The following RCAN2 variants were observed in gnomAD, a reference collection of about 807,000 sequenced individuals.
RCAN2 encodes the protein regulator of calcineurin 2, also known as calcipressin-2.
RCAN2 carries 9 observed loss-of-function variants against 23.6 expected under a neutral mutation model. The ratio of observed to expected loss-of-function variants is 0.38; its 90% confidence interval spans 0.23 to 0.67. The LOEUF is 0.67. Ranked by LOEUF, RCAN2 falls within the 30% of genes least tolerant of loss-of-function variation. RCAN2 has a pLI of 0.51. For missense variants in RCAN2, 273 were observed against 302.3 expected (o/e 0.90, Z 0.72); for synonymous variants, 109 against 115.7 (o/e 0.94, Z 0.37).
At chr6:46,457,511 C>T (rs1358337834) in intron 1 of RCAN2, among the ~76,000 whole-genome samples, 1 of 152,150 alleles carries the variant, frequency 6.6e-6, no homozygotes, top group Non-Finnish European at 1.5e-5. Context: ...CCAGAGCTCA[C>T]TCTCCTATGC....
In RCAN2 at chr6:46,477,695, T is replaced by A. The variant is rs563996599; in HGVS notation, c.-3+13478A>T. Among the ~76,000 whole-genome samples the A allele has an allele frequency of 1.6e-4, 25 of 152,286 alleles. No individual in the cohort carries two copies. The South Asian group carries it at 5.0e-3, about 30-fold the overall frequency. On this transcript the variant is annotated intron_variant, in intron 1 of 4. Transcript: ENST00000371374. Reference sequence around the variant, plus strand: ...GTTGTAACAAAGTATAAAAATAACGTCGTTACCAATTCCTACAAAAATCGA... The same window carrying A: ...GTTGTAACAAAGTATAAAAATAACGACGTTACCAATTCCTACAAAAATCGA...
intron 2 of RCAN2, among the ~76,000 whole-genome samples, chr6:46,453,629 T>G (rs1466711194): frequency 2.0e-5 from 3 of 152,208 alleles, no homozygotes; most frequent in Non-Finnish European, 4.4e-5. Context: ...TCACATCCTG[T>G]GCTGTTACCT....
chr6:46,230,143 C>T (rs542124709), intron 4 of RCAN2, among the ~76,000 whole-genome samples: 4 of 152,298 alleles, frequency 2.6e-5, no homozygotes, highest in Non-Finnish European at 4.4e-5. Flanking sequence ...CTGGAAGCTT[C>T]GTCTCAGAGG....
chr6:46,252,483 C>T (rs1766764141), intron 2 of RCAN2, among the ~76,000 whole-genome samples: 1 of 152,164 alleles, frequency 6.6e-6, no homozygotes, highest in African/African-American at 2.4e-5. Flanking sequence ...GACCTCTTTA[C>T]ACTCTTAATA....
intron 4 of RCAN2, among the ~76,000 whole-genome samples, chr6:46,238,553 A>G (rs1253139641): frequency 6.6e-6 from 1 of 152,092 alleles, no homozygotes; most frequent in Non-Finnish European, 1.5e-5. Flanking sequence ...AGGCATTTAA[A>G]TTATTTTTTT....
intron 2 of RCAN2, among the ~76,000 whole-genome samples, chr6:46,411,684 G>C (rs1766553763): frequency 6.6e-6 from 1 of 152,202 alleles, no homozygotes; most frequent in Admixed American, 6.5e-5. Context: ...AGAAATGTGA[G>C]AGTAAGTCCA....
intron 2 of RCAN2, among the ~76,000 whole-genome samples, chr6:46,264,606 A>C (rs1487189897): frequency 6.6e-6 from 1 of 152,216 alleles, no homozygotes; most frequent in Non-Finnish European, 1.5e-5. Context: ...ATTTGAAACA[A>C]AAATGATTGT....
At chr6:46,261,168 A>T (rs920975865) in intron 2 of RCAN2, among the ~76,000 whole-genome samples, 1 of 152,212 alleles carries the variant, frequency 6.6e-6, no homozygotes, top group African/African-American at 2.4e-5. Context: ...GATGAAATGC[A>T]TAGCCTGTCT....
At chr6:46,304,680 C>T (rs760492518) in intron 2 of RCAN2, among the ~76,000 whole-genome samples, 1 of 151,982 alleles carries the variant, frequency 6.6e-6, no homozygotes, top group Non-Finnish European at 1.5e-5. Context: ...TTACAGAATG[C>T]CCTGGTGGTT....
At chr6:46,445,339 C>G (rs985527739) in intron 2 of RCAN2, among the ~76,000 whole-genome samples, 1 of 152,162 alleles carries the variant, frequency 6.6e-6, no homozygotes, top group African/African-American at 2.4e-5. Flanking sequence ...ACCTGCTGAC[C>G]CAGGCACCAG....
intron 4 of RCAN2, among the ~76,000 whole-genome samples, chr6:46,237,687 T>A (rs914156673): frequency 1.3e-5 from 2 of 152,188 alleles, no homozygotes. Flanking sequence ...GCCCCAAGCA[T>A]TTTGGATAAG....
intron 2 of RCAN2, among the ~76,000 whole-genome samples, chr6:46,415,661 A>G (rs1766692243): frequency 6.6e-6 from 1 of 152,178 alleles, no homozygotes; most frequent in Non-Finnish European, 1.5e-5. Flanking sequence ...TTAGGAGAGG[A>G]ACTAGTACCT....
intron 2 of RCAN2, among the ~76,000 whole-genome samples, chr6:46,349,416 G>A (rs1297316170): frequency 6.6e-6 from 1 of 152,104 alleles, no homozygotes; most frequent in Admixed American, 6.5e-5. Context: ...CAGGAGTTGG[G>A]AGGGGCAAAG....
chr6:46,480,897 C>T (rs991496063), intron 1 of RCAN2, among the ~76,000 whole-genome samples: 1 of 152,242 alleles, frequency 6.6e-6, no homozygotes, highest in African/African-American at 2.4e-5. Context: ...GCTGGGATTA[C>T]AGGCGTGAGC....
In RCAN2 at chr6:46,221,922, T is replaced by G. The variant is rs529039846; in HGVS notation, c.*1219A>C. ...CACACGTAACAAAAACAAATAACTT[T>G]TTTGAGCACACGGGTGTCGCGTGAG... On this transcript the variant is annotated 3_prime_UTR_variant, in exon 5 of 5. Transcript: ENST00000371374. 2.0e-5 allele frequency: 8 copies of G among 398,458 alleles called. No homozygotes were observed. The highest frequency in any genetic ancestry group is 1.6e-4 in the African/African-American group (8 of 48,626). The allele number at this position is 398,458 out of a possible 1,614,324, so 24.7% of individuals were successfully genotyped here.
chr6:46,371,608 G>GTTTGAACATGTAGACTGT, intron 2 of RCAN2, among the ~76,000 whole-genome samples: 1 of 152,332 alleles, frequency 6.6e-6, no homozygotes, highest in Middle Eastern at 3.4e-3. Flanking sequence ...ACTAAAACTG[G>GTTTGAACATGTAGACTGT]TTTGAACATG....
intron 2 of RCAN2, among the ~76,000 whole-genome samples, chr6:46,276,124 T>C (rs1054246173): frequency 3.3e-5 from 5 of 152,116 alleles, no homozygotes; most frequent in African/African-American, 1.2e-4. Flanking sequence ...AAGAATCACT[T>C]GAACCTAGGA....
intron 1 of RCAN2, among the ~76,000 whole-genome samples, chr6:46,458,558 G>T (rs905901163): frequency 9.9e-5 from 15 of 151,700 alleles, no homozygotes; most frequent in Admixed American, 2.6e-4. Flanking sequence ...TCCAATTAGC[G>T]CATTTCCATA....
At chr6:46,266,049 C>T (rs1477352705) in intron 2 of RCAN2, among the ~76,000 whole-genome samples, 1 of 152,156 alleles carries the variant, frequency 6.6e-6, no homozygotes, top group Admixed American at 6.5e-5. Flanking sequence ...CTCCTAGAAG[C>T]TTCCTAAATA....
Sources: allele counts gnomAD v4.1 joint callset (sites outside exome capture counted in the v4.1 genomes callset), GRCh38; gene constraint gnomAD v4.1.1; transcripts MANE v1.5; gene names NCBI Gene and HGNC (gene_info 2026-07-23, HGNC 2026-07-21).